Variants in TXNDC16 observed in about 807,000 individuals in gnomAD.
TXNDC16 encodes thioredoxin domain-containing protein 16.
A neutral mutation model predicts 85.6 loss-of-function variants in TXNDC16; 74 were observed. That is an observed-to-expected ratio of 0.86 (90% confidence interval 0.72 to 1.05). The LOEUF (loss-of-function observed/expected upper bound fraction) is 1.05. TXNDC16 is among the 50% of genes least tolerant of loss of function. TXNDC16 has a pLI of 0.00. For missense variants in TXNDC16, 959 were observed against 947.0 expected (o/e 1.01, Z -0.17); for synonymous variants, 335 against 326.5 (o/e 1.03, Z -0.28).
intron 5 of TXNDC16, 85 bp from the exon 6 acceptor site, chr14:52,536,878 T>G (rs2037714780): frequency 1.0e-5 from 12 of 1,177,204 alleles, no homozygotes; most frequent in Middle Eastern, 2.8e-4. Context: ...ATCAAATACA[T>G]TAGCTTATAA....
intron 18 of TXNDC16, among the ~76,000 whole-genome samples, chr14:52,443,885 C>A (rs2035220864): frequency 6.6e-6 from 1 of 152,060 alleles, no homozygotes; most frequent in African/African-American, 2.4e-5. Flanking sequence ...TAGAAGGAAA[C>A]TGAGTTCTAA....
intron 9 of TXNDC16, among the ~76,000 whole-genome samples, chr14:52,506,378 G>C (rs1265711761): frequency 6.6e-6 from 1 of 152,074 alleles, no homozygotes; most frequent in African/African-American, 2.4e-5. Flanking sequence ...TATCCACCAT[G>C]ATCAAGTGGG....
intron 9 of TXNDC16, among the ~76,000 whole-genome samples, chr14:52,509,539 GTTAC>G (rs2036903679): frequency 6.6e-6 from 1 of 151,536 alleles, no homozygotes; most frequent in Non-Finnish European, 1.5e-5. Flanking sequence ...ACAGAAAAAA[GTTAC>G]TTAAAGAACT....
chr14:52,490,792 C>A, intron 10 of TXNDC16, 47 bp downstream of exon 10: 2 of 1,564,204 alleles, frequency 1.3e-6, no homozygotes, highest in Non-Finnish European at 1.7e-6. Flanking sequence ...AACGTGGAAA[C>A]TATTAGCGTT....
At chr14:52,552,217 AGCTGTGCAGT>A (rs2038070571) in intron 1 of TXNDC16, 89 bp downstream of exon 1, 1 of 152,316 alleles carries the variant, frequency 6.6e-6, no homozygotes, top group Non-Finnish European at 1.5e-5. Context: ...CAGACTCCGG[AGCTGTGCAGT>A]GCAGCCCTGG....
intron 16 of TXNDC16, 96 bp from the exon 17 acceptor site, chr14:52,457,270 T>C: frequency 1.6e-6 from 1 of 616,774 alleles, no homozygotes; most frequent in Non-Finnish European, 2.7e-6. Flanking sequence ...TATTTCATTA[T>C]TAATTAATTA....
At position 52,551,475 on chromosome 14, in the gene TXNDC16, G is replaced by GAA. The variant is rs11380216; in HGVS notation, c.-182+839_-182+840dup. Among the ~76,000 whole-genome samples the GAA allele has an allele frequency of 1.1e-3, 146 of 132,308 alleles. 1 individual carries two copies. The highest frequency in any genetic ancestry group is 1.6e-3 in the African/African-American group (58 of 35,812). The allele number at this position is 132,308 out of a possible 152,430, so 86.8% of individuals were successfully genotyped here. ...GAGCGAGACCCTGCATGAAAAAAAG[G>GAA]AAAAAAAAAAAAAAAAGCATAGGAC... On this transcript the variant is annotated intron_variant, in intron 1 of 20. Coordinates refer to ENST00000281741, the MANE Select transcript of TXNDC16 (RefSeq NM_020784.3).
At position 52,432,395 on chromosome 14, in the gene TXNDC16, C is replaced by T; in HGVS notation, c.2387G>A (p.Arg796Lys). ...ATTACTTCTATTCCAATGCTTTATT[C>T]TCAGAGTTTCAATCGGTTCTTTTCT... ...AVRKEPIETLRIKHWNRSNWF... is the reference protein window; with the variant it reads ...AVRKEPIETLKIKHWNRSNWF... Residue 796 changes from arginine (R) to lysine (K), a missense_variant, in exon 21 of 21, where the codon AGA (arginine) becomes AAA (lysine). Coordinates refer to ENST00000281741, the MANE Select transcript of TXNDC16 (RefSeq NM_020784.3). The T allele has an allele frequency of 6.2e-7, 1 of 1,613,948 alleles. No individual in the cohort carries two copies. The highest frequency in any genetic ancestry group is 8.5e-7 in the Non-Finnish European group (1 of 1,179,938).
chr14:52,453,833 C>T (rs537748403), intron 18 of TXNDC16, among the ~76,000 whole-genome samples: 1 of 152,156 alleles, frequency 6.6e-6, no homozygotes, highest in South Asian at 2.1e-4. Flanking sequence ...CTTTTCTCCA[C>T]ATCCTCACCA....
intron 20 of TXNDC16, among the ~76,000 whole-genome samples, chr14:52,438,025 A>C (rs1472247383): frequency 1.3e-5 from 2 of 152,204 alleles, no homozygotes; most frequent in Non-Finnish European, 2.9e-5. Context: ...GAGAACTAGA[A>C]TTAGAAGTGG....
chr14:52,528,093 T>G (rs1361463710), intron 6 of TXNDC16, among the ~76,000 whole-genome samples: 1 of 152,192 alleles, frequency 6.6e-6, no homozygotes, highest in African/African-American at 2.4e-5. Flanking sequence ...TGTTATTCTA[T>G]CTCAGATTTT....
chr14:52,547,866 C>G (rs535633938), intron 1 of TXNDC16, among the ~76,000 whole-genome samples: 1 of 152,220 alleles, frequency 6.6e-6, no homozygotes, highest in Non-Finnish European at 1.5e-5. Context: ...ACTACATATA[C>G]AAAGGAAAGC....
chr14:52,543,659 T>TC, intron 2 of TXNDC16, 29 bp from the exon 3 acceptor site: 13 of 1,278,756 alleles, frequency 1.0e-5, no homozygotes, highest in African/African-American at 3.1e-5. Flanking sequence ...TCAACAAGAG[T>TC]TTGTTGAATG....
intron 9 of TXNDC16, among the ~76,000 whole-genome samples, chr14:52,495,307 C>T (rs1319013756): frequency 1.3e-5 from 2 of 152,142 alleles, no homozygotes; most frequent in Non-Finnish European, 2.9e-5. Flanking sequence ...GGCCTTGATT[C>T]TCCTTTTTAT....
chr14:52,511,516 G>C, intron 8 of TXNDC16, 126 bp from the exon 9 acceptor site: 1 of 539,494 alleles, frequency 1.9e-6, no homozygotes, highest in Non-Finnish European at 3.0e-6. Flanking sequence ...GTAAAAGCCT[G>C]AAAGAGTATA....
rs1566582736 is a variant in TXNDC16, at chr14:52,530,457, A to ATT, written c.392+6261_392+6262insAA. Among the ~76,000 whole-genome samples, 21 of 7,254 alleles carry ATT rather than the reference A, an allele frequency of 2.9e-3. 3 individuals carry two copies. Among genetic ancestry groups the ATT allele is most frequent in the African/African-American group, 0.02 (21 of 1,040 alleles). The allele number at this position is 7,254 out of a possible 152,430, so 4.8% of individuals were successfully genotyped here. ...AATATATAATATATTATTATATAAT[A>ATT]ATATATATTATATATTATTATATAT... On this transcript the variant is annotated intron_variant, in intron 6 of 20. Transcript: ENST00000281741.
intron 16 of TXNDC16, among the ~76,000 whole-genome samples, chr14:52,465,026 T>A (rs2035739403): frequency 6.6e-6 from 1 of 152,224 alleles, no homozygotes; most frequent in Admixed American, 6.5e-5. Context: ...TTAATATTCT[T>A]ATTATTTATT....
chr14:52,494,945 G>T (rs557763881), intron 9 of TXNDC16, among the ~76,000 whole-genome samples: 91 of 152,234 alleles, frequency 6.0e-4, no homozygotes, highest in Middle Eastern at 3.4e-3. Flanking sequence ...GCTTAAGGAG[G>T]GATACATCTA....
chr14:52,536,415 T>C (rs1179916889), intron 6 of TXNDC16, among the ~76,000 whole-genome samples: 2 of 152,328 alleles, frequency 1.3e-5, no homozygotes, highest in East Asian at 1.9e-4. Context: ...TATTTTGTTA[T>C]AGCAGCCTGA....
Sources: gnomAD v4.1 joint callset for allele counts (sites outside exome capture counted in the v4.1 genomes callset) on GRCh38, gnomAD v4.1.1 for gene constraint, MANE v1.5 for transcripts, NCBI Gene and HGNC (gene_info 2026-07-23, HGNC 2026-07-21) for gene names.